NUCKS1: variants seen among roughly 807,000 people sequenced by gnomAD.
NUCKS1 encodes the protein nuclear casein kinase and cyclin dependent kinase substrate 1.
NUCKS1 carries 2 observed loss-of-function variants against 33.0 expected under a neutral mutation model. The ratio of observed to expected loss-of-function variants is 0.06; its 90% CI spans 0.02 to 0.19. The LOEUF is 0.19. NUCKS1 is among the 10% of genes least tolerant of loss of function. The pLI, the probability that NUCKS1 is intolerant of heterozygous loss-of-function variation, is 1.00. For missense variants in NUCKS1, 201 were observed against 293.6 expected, an observed-to-expected ratio of 0.68 and a Z score of 2.31; for synonymous variants, 106 against 102.8, an observed-to-expected ratio of 1.03 and a Z score of -0.19.
intron 1 of NUCKS1, among the ~76,000 whole-genome samples, chr1:205,742,313 T>C (rs1479626108): frequency 6.6e-6 from 1 of 152,178 alleles, no homozygotes; most frequent in African/African-American, 2.4e-5. Context: ...CTGCAATACC[T>C]AGTTGAAACA....
At chr1:205,748,140 G>A (rs1654377190) in intron 1 of NUCKS1, among the ~76,000 whole-genome samples, 1 of 152,116 alleles carries the variant, frequency 6.6e-6, no homozygotes, top group African/African-American at 2.4e-5. Context: ...GATAGAATGT[G>A]CTTAATATAT....
intron 6 of NUCKS1, 23 bp from the exon 7 acceptor site, chr1:205,718,502 G>C (rs766832497): frequency 6.2e-7 from 1 of 1,600,560 alleles, no homozygotes; most frequent in Non-Finnish European, 8.5e-7. Flanking sequence ...AAATAATTTG[G>C]GGAAGGGAAG....
At chr1:205,744,293 G>A (rs1654256759) in intron 1 of NUCKS1, among the ~76,000 whole-genome samples, 1 of 152,204 alleles carries the variant, frequency 6.6e-6, no homozygotes, top group African/African-American at 2.4e-5. Flanking sequence ...TAGGTGAACT[G>A]TGTAGTTACT....
chr1:205,743,342 C>T (rs529777725), intron 1 of NUCKS1, among the ~76,000 whole-genome samples: 1 of 152,210 alleles, frequency 6.6e-6, no homozygotes, highest in African/African-American at 2.4e-5. Context: ...AGTTCAACAT[C>T]TCCACTATAT....
intron 1 of NUCKS1, among the ~76,000 whole-genome samples, chr1:205,747,316 G>C (rs1654356947): frequency 6.6e-6 from 1 of 152,080 alleles, no homozygotes; most frequent in Non-Finnish European, 1.5e-5. Context: ...CCTCTTCCTA[G>C]CTCCAAGGCT....
intron 3 of NUCKS1, 60 bp from the exon 4 acceptor site, chr1:205,724,041 A>G: frequency 8.5e-7 from 1 of 1,180,212 alleles, no homozygotes; most frequent in Admixed American, 1.7e-5. Context: ...CTAAGTGAAC[A>G]TAGATCTCTG....
intron 1 of NUCKS1, among the ~76,000 whole-genome samples, chr1:205,739,591 G>A (rs1418879706): frequency 6.6e-6 from 1 of 152,000 alleles, no homozygotes; most frequent in Admixed American, 6.6e-5. Context: ...TCCCACCTCA[G>A]CCCCTACCCC....
intron 1 of NUCKS1, 91 bp downstream of exon 1, chr1:205,749,866 A>G: frequency 7.4e-7 from 1 of 1,351,530 alleles, no homozygotes; most frequent in Non-Finnish European, 1.0e-6. Context: ...GGCACCGGGG[A>G]TGGCGGACTC....
chr1:205,749,014 A>T (rs1654403139), intron 1 of NUCKS1, among the ~76,000 whole-genome samples: 1 of 152,102 alleles, frequency 6.6e-6, no homozygotes, highest in Non-Finnish European at 1.5e-5. Flanking sequence ...GGAATAGCAA[A>T]CTTGTTGAAA....
chr1:205,750,027 A>ACCC lies in NUCKS1; in HGVS notation c.-57_-55dup. 1 of 639,120 alleles carries ACCC rather than the reference A, an allele frequency of 1.6e-6. No homozygotes were observed. The highest frequency in any genetic ancestry group is 2.2e-6 in the Non-Finnish European group (1 of 454,142). The allele number at this position is 639,120 out of a possible 1,614,324, so 39.6% of individuals were successfully genotyped here. A position where few individuals can be genotyped will look rare whatever the true frequency, so the allele number is the denominator to read the frequency against. On this transcript the variant is annotated 5_prime_UTR_variant, in exon 1 of 7. Transcript: ENST00000367142. ...GAAGCCAAAGACCAGGACCCCCCCC[A>ACCC]CCCCGCGCGCTCGGCGCCCCACCCC...
chr1:205,720,269 A>T (rs936943653), intron 5 of NUCKS1, among the ~76,000 whole-genome samples: 5 of 152,244 alleles, frequency 3.3e-5, no homozygotes, highest in African/African-American at 1.2e-4. Flanking sequence ...TTGAACACAG[A>T]CATCATTAAA....
rs1031080996 is a variant in NUCKS1 at position 205,723,959 on chromosome 1, C to T, written c.196G>A (p.Val66Met). Residue 66 changes from valine (V) to methionine (M), a missense_variant, in exon 4 of 7, where the codon GTG (valine) becomes ATG (methionine). Coordinates refer to ENST00000367142, the MANE Select transcript of NUCKS1 (RefSeq NM_022731.5). ...TGAGAATCATCCTTCTTGGTCTTCA[C>T]ATCTTTGTCTTCTGAGTCCTCACTA... ...EDSEDSEDKD[V>M]KTKKDDSHSA... 3.1e-6 allele frequency: 5 copies of T among 1,612,386 alleles called. No homozygotes were observed. The highest frequency in any genetic ancestry group is 1.7e-5 in the Admixed American group (1 of 59,986).
chr1:205,748,494 A>C (rs952311009), intron 1 of NUCKS1, among the ~76,000 whole-genome samples: 1 of 152,236 alleles, frequency 6.6e-6, no homozygotes, highest in African/African-American at 2.4e-5. Flanking sequence ...AAATTACGCA[A>C]ACTATACTCT....
intron 1 of NUCKS1, among the ~76,000 whole-genome samples, chr1:205,745,821 C>T (rs978199515): frequency 2.0e-5 from 3 of 152,116 alleles, no homozygotes; most frequent in African/African-American, 7.2e-5. Context: ...ATACTTGTTA[C>T]AGGGTTGTAA....
At chr1:205,749,778 G>A (rs1403822750) in intron 1 of NUCKS1, among the ~76,000 whole-genome samples, 179 bp downstream of exon 1, 1 of 149,820 alleles carries the variant, frequency 6.7e-6, no homozygotes, top group South Asian at 2.2e-4. Context: ...CGGGCGCGCA[G>A]CCACCACCCC....
At chr1:205,742,806 C>G (rs1006930745) in intron 1 of NUCKS1, among the ~76,000 whole-genome samples, 1 of 151,964 alleles carries the variant, frequency 6.6e-6, no homozygotes. Flanking sequence ...GCCTGGAGGA[C>G]AGAGCGAGAC....
intron 1 of NUCKS1, among the ~76,000 whole-genome samples, chr1:205,746,248 T>C (rs1654322203): frequency 6.6e-6 from 1 of 152,118 alleles, no homozygotes; most frequent in African/African-American, 2.4e-5. Flanking sequence ...TGAGCCGAGA[T>C]TGCACCATTG....
At chr1:205,739,310 A>G (rs1206310241) in intron 1 of NUCKS1, among the ~76,000 whole-genome samples, 16 of 152,168 alleles carry the variant, frequency 1.1e-4, no homozygotes, top group Non-Finnish European at 1.0e-4. Flanking sequence ...AACTGATGCA[A>G]TTAAAGTTGC....
chr1:205,749,035 G>T (rs1329025402), intron 1 of NUCKS1, among the ~76,000 whole-genome samples: 1 of 152,100 alleles, frequency 6.6e-6, no homozygotes, highest in Non-Finnish European at 1.5e-5. Flanking sequence ...TTCCGAGAAT[G>T]AAGTCTGATG....
Sources: gnomAD v4.1 joint callset for allele counts (sites outside exome capture counted in the v4.1 genomes callset) on GRCh38, gnomAD v4.1.1 for gene constraint, MANE v1.5 for transcripts, NCBI Gene and HGNC (gene_info 2026-07-23, HGNC 2026-07-21) for gene names.